The following LRRC4C variants were observed in gnomAD, a reference collection of about 807,000 sequenced individuals.
LRRC4C encodes the protein leucine-rich repeat-containing protein 4C.
A neutral mutation model predicts 33.6 loss-of-function variants in LRRC4C; 5 were observed. That is an observed-to-expected ratio of 0.15 (90% confidence interval 0.08 to 0.31). The LOEUF is 0.31. Ranked by LOEUF, LRRC4C falls within the 10% of genes least tolerant of loss-of-function variation. The pLI, the probability that LRRC4C is intolerant of heterozygous loss-of-function variation, is 1.00. For synonymous variants in LRRC4C, 329 were observed against 302.0 expected, an observed-to-expected ratio of 1.09 and a Z score of -0.93; for missense variants, 560 against 796.7, an observed-to-expected ratio of 0.70 and a Z score of 3.58.
chr11:41,191,807 G>T (rs1189576270), intron 1 of LRRC4C, among the ~76,000 whole-genome samples: 2 of 152,074 alleles, frequency 1.3e-5, no homozygotes, highest in Non-Finnish European at 2.9e-5. Flanking sequence ...AAAGGGTTCT[G>T]CAGCTTAAAA....
intron 2 of LRRC4C, among the ~76,000 whole-genome samples, chr11:40,675,518 TA>T (rs965229862): frequency 3.3e-5 from 5 of 152,130 alleles, no homozygotes; most frequent in African/African-American, 1.2e-4. Context: ...TAATCTAGGC[TA>T]GTTTCCCTTT....
At chr11:40,625,539 A>G (rs563830043) in intron 3 of LRRC4C, among the ~76,000 whole-genome samples, 21 of 152,204 alleles carry the variant, frequency 1.4e-4, no homozygotes, top group African/African-American at 5.1e-4. Context: ...TTACCTCCCA[A>G]AGGGTCCCTC....
chr11:40,361,760 T>C (rs1947962081), intron 3 of LRRC4C, among the ~76,000 whole-genome samples: 1 of 152,166 alleles, frequency 6.6e-6, no homozygotes, highest in Non-Finnish European at 1.5e-5. Context: ...TAGAAAAAAC[T>C]ATTTTTAAAT....
At chr11:41,431,883 T>C (rs1290164598) in intron 1 of LRRC4C, among the ~76,000 whole-genome samples, 2 of 152,134 alleles carry the variant, frequency 1.3e-5, no homozygotes, top group Non-Finnish European at 2.9e-5. Context: ...TAGGTTTTTG[T>C]GGTGGGCCAT....
chr11:40,911,641 C>G (rs961558518), intron 2 of LRRC4C, among the ~76,000 whole-genome samples: 2 of 152,214 alleles, frequency 1.3e-5, no homozygotes, highest in Non-Finnish European at 2.9e-5. Flanking sequence ...CAGAGAGCCT[C>G]TCTTCCTCCA....
chr11:40,519,086 GT>G (rs1955693713), intron 3 of LRRC4C, among the ~76,000 whole-genome samples: 1 of 152,124 alleles, frequency 6.6e-6, no homozygotes, highest in African/African-American at 2.4e-5. Flanking sequence ...ACCAGGGCCT[GT>G]TGGGGAGTGG....
intron 5 of LRRC4C, among the ~76,000 whole-genome samples, chr11:40,155,049 G>C (rs1858568883): frequency 2.0e-5 from 3 of 151,922 alleles, no homozygotes; most frequent in Non-Finnish European, 4.4e-5. Context: ...ACTCCAAAAA[G>C]AACCTTTAAA....
In LRRC4C at chr11:40,289,429, A is replaced by C. The variant is rs941378988; in HGVS notation, c.-176+30199T>G. Among the ~76,000 whole-genome samples, 4 of 152,168 alleles carry C rather than the reference A, an allele frequency of 2.6e-5. No individual in the cohort carries two copies. In the South Asian group the frequency reaches 8.3e-4, roughly 31 times the overall value. On this transcript the variant is annotated intron_variant, in intron 4 of 6. Transcript: ENST00000528697. ...ATTGTTCAAAGGGCACAGCTACTAC[A>C]TTTGAGGAAGAAGATATTTGAAAAC... is the stretch of plus-strand genomic sequence containing the variant.
chr11:40,588,796 A>T (rs989803282), intron 3 of LRRC4C, among the ~76,000 whole-genome samples: 2 of 151,994 alleles, frequency 1.3e-5, no homozygotes, highest in Non-Finnish European at 2.9e-5. Flanking sequence ...TTTGAGTGAG[A>T]TTCGTAATTC....
intron 3 of LRRC4C, among the ~76,000 whole-genome samples, chr11:40,549,746 A>T (rs940396388): frequency 6.6e-6 from 1 of 152,158 alleles, no homozygotes; most frequent in South Asian, 2.1e-4. Flanking sequence ...ATTAAATACC[A>T]TTGCTAAAGT....
intron 1 of LRRC4C, among the ~76,000 whole-genome samples, chr11:40,973,165 C>A (rs1329456263): frequency 1.3e-5 from 2 of 152,054 alleles, no homozygotes; most frequent in African/African-American, 2.4e-5. Flanking sequence ...GCCAATTAAA[C>A]CTCTTTTCTA....
chr11:41,368,710 G>A (rs1952633730), intron 1 of LRRC4C, among the ~76,000 whole-genome samples: 1 of 152,052 alleles, frequency 6.6e-6, no homozygotes, highest in African/African-American at 2.4e-5. Flanking sequence ...TGTGTTGTAT[G>A]GAGCAAAAAA....
intron 2 of LRRC4C, among the ~76,000 whole-genome samples, chr11:40,855,488 T>C (rs1953736311): frequency 6.6e-6 from 1 of 152,188 alleles, no homozygotes; most frequent in East Asian, 1.9e-4. Flanking sequence ...ACACTTACTA[T>C]GTTTTGTCTT....
At chr11:40,118,861 T>C (rs1301093707) in intron 6 of LRRC4C, among the ~76,000 whole-genome samples, 1 of 152,086 alleles carries the variant, frequency 6.6e-6, no homozygotes, top group East Asian at 1.9e-4. Flanking sequence ...CAGCTTTGTT[T>C]TGAAAAATGA....
chr11:40,231,724 C>A (rs1295901123), intron 5 of LRRC4C, among the ~76,000 whole-genome samples: 2 of 152,104 alleles, frequency 1.3e-5, no homozygotes, highest in Admixed American at 6.5e-5. Context: ...ACACTGAAGA[C>A]CCTATATAGT....
intron 5 of LRRC4C, among the ~76,000 whole-genome samples, chr11:40,187,330 T>TC (rs1235983977): frequency 6.7e-6 from 1 of 149,466 alleles, no homozygotes; most frequent in African/African-American, 2.5e-5. Flanking sequence ...TTTCTTTCTT[T>TC]TTTTTTTTTT....
At chr11:40,500,291 TATACACACACACACACACAC>T (rs1353857853) in intron 3 of LRRC4C, among the ~76,000 whole-genome samples, 1 of 62,768 alleles carries the variant, frequency 1.6e-5, no homozygotes, top group African/African-American at 5.9e-5. Flanking sequence ...TATATATATA[TATACACACACACACACACAC>T]ACACACACAC....
intron 2 of LRRC4C, among the ~76,000 whole-genome samples, chr11:40,796,199 T>C (rs567136259): frequency 6.6e-6 from 1 of 152,296 alleles, no homozygotes; most frequent in South Asian, 2.1e-4. Context: ...TTGGGCAGTA[T>C]TGGATACAAA....
chr11:40,810,343 CCTT>C (rs1951435371), intron 2 of LRRC4C, among the ~76,000 whole-genome samples: 2 of 152,170 alleles, frequency 1.3e-5, no homozygotes, highest in Non-Finnish European at 2.9e-5. Context: ...TTGGTTATCT[CCTT>C]CTCTGTTTAA....
Sources: gnomAD v4.1 joint callset for allele counts (sites outside exome capture counted in the v4.1 genomes callset) on GRCh38, gnomAD v4.1.1 for gene constraint, MANE v1.5 for transcripts, NCBI Gene and HGNC (gene_info 2026-07-23, HGNC 2026-07-21) for gene names.